The following SPDYE14 variants were observed in gnomAD, a reference collection of about 807,000 sequenced individuals.
SPDYE14 encodes speedy protein E14.
upstream of SPDYE14, among the ~76,000 whole-genome samples, chr7:75,306,826 C>T (rs1435759160): frequency 6.6e-5 from 1 of 15,208 alleles, no homozygotes; most frequent in East Asian, 2.1e-3. Flanking sequence ...AGTGTAGTGT[C>T]GTGATCTCGG....
At chr7:75,237,688 G>C in the SPDYE14 span, 3 of 104,900 alleles carry the variant, frequency 2.9e-5, no homozygotes, top group East Asian at 5.3e-4. Context: ...GGAGCAGCTG[G>C]TGTTCGCTGT....
the SPDYE14 span, among the ~76,000 whole-genome samples, chr7:75,260,111 ATTT>A: frequency 3.7e-5 from 2 of 54,558 alleles, no homozygotes; most frequent in African/African-American, 7.8e-5. Flanking sequence ...CCTCAGATCT[ATTT>A]TTTTTTTTTT....
the SPDYE14 span, among the ~76,000 whole-genome samples, chr7:75,247,635 T>TGGAGTG: frequency 4.4e-5 from 1 of 22,906 alleles, no homozygotes; most frequent in Non-Finnish European, 1.3e-4. Flanking sequence ...TCACCCAGGC[T>TGGAGTG]GGAGTGCCGT....
At chr7:75,267,755 TA>T in the SPDYE14 span, among the ~76,000 whole-genome samples, 486 of 130,022 alleles carry the variant, frequency 3.7e-3, 1 homozygote, top group Middle Eastern at 7.7e-3. Flanking sequence ...TTTATTTATT[TA>T]GACAGAGTCT....
chr7:75,241,696 T>TATA, the SPDYE14 span, among the ~76,000 whole-genome samples: 18 of 12,306 alleles, frequency 1.5e-3, no homozygotes, highest in Admixed American at 5.0e-3. Context: ...TATATATATA[T>TATA]TTTTTTTTTT....
the SPDYE14 span, among the ~76,000 whole-genome samples, chr7:75,273,781 T>A: frequency 1.8e-5 from 1 of 55,910 alleles, no homozygotes; most frequent in Non-Finnish European, 4.6e-5. Context: ...GAGTTTGACA[T>A]ATGAATTTTG....
the SPDYE14 span, among the ~76,000 whole-genome samples, chr7:75,265,161 G>A: frequency 0.016 from 654 of 40,706 alleles, 17 homozygotes; most frequent in East Asian, 0.03. Flanking sequence ...GAGCAGTGGC[G>A]TGATCTTGGC....
At chr7:75,265,744 CA>C in the SPDYE14 span, among the ~76,000 whole-genome samples, 2 of 1,196 alleles carry the variant, frequency 1.7e-3, no homozygotes, top group African/African-American at 3.5e-3. Flanking sequence ...ACTCCATCTC[CA>C]AAAAAAAAAA....
chr7:75,261,107 G>A, the SPDYE14 span, among the ~76,000 whole-genome samples: 2 of 93,110 alleles, frequency 2.1e-5, no homozygotes, highest in Non-Finnish European at 5.2e-5. Flanking sequence ...CCTGGGTGAC[G>A]AGTGAGATTC....
chr7:75,244,841 C>T, the SPDYE14 span, among the ~76,000 whole-genome samples: 1 of 108,390 alleles, frequency 9.2e-6, no homozygotes. Flanking sequence ...TGCCTGTAAT[C>T]CCAGCACTTC....
At chr7:75,246,626 A>T in the SPDYE14 span, among the ~76,000 whole-genome samples, 2 of 12,858 alleles carry the variant, frequency 1.6e-4, no homozygotes, top group African/African-American at 2.7e-4. Flanking sequence ...TGGGCGACAG[A>T]GTGAGACTCT....
the SPDYE14 span, among the ~76,000 whole-genome samples, chr7:75,247,382 T>G: frequency 6.6e-4 from 15 of 22,832 alleles, no homozygotes; most frequent in African/African-American, 8.7e-4. Flanking sequence ...AAGAAAGAAA[T>G]GAAAGGCCAA....
the SPDYE14 span, among the ~76,000 whole-genome samples, chr7:75,240,203 G>A: frequency 2.1e-4 from 4 of 19,088 alleles, 1 homozygote; most frequent in African/African-American, 3.8e-4. Context: ...TCCAGCCTGG[G>A]TGATAGAGTG....
chr7:75,257,187 G>A, the SPDYE14 span, among the ~76,000 whole-genome samples: 1 of 68,268 alleles, frequency 1.5e-5, no homozygotes, highest in African/African-American at 5.3e-5. Context: ...AAAAAGAAAA[G>A]AAAGAAAAGA....
chr7:75,237,695 C>T, the SPDYE14 span: 3 of 107,096 alleles, frequency 2.8e-5, no homozygotes, highest in Admixed American at 1.0e-4. Context: ...CTGGTGTTCG[C>T]TGTAACAAAC....
chr7:75,257,178 A>G, the SPDYE14 span, among the ~76,000 whole-genome samples: 2 of 56,594 alleles, frequency 3.5e-5, 1 homozygote, highest in Non-Finnish European at 7.3e-5. Context: ...AAAAAAAAAA[A>G]AAAGAAAAGA....
chr7:75,279,695 G>A, the SPDYE14 span, among the ~76,000 whole-genome samples: 1 of 53,130 alleles, frequency 1.9e-5, no homozygotes, highest in African/African-American at 4.9e-5. Flanking sequence ...ACCCTCCTTG[G>A]CCTCCCAAAG....
chr7:75,247,485 G>C, the SPDYE14 span, among the ~76,000 whole-genome samples: 1 of 114,876 alleles, frequency 8.7e-6, no homozygotes, highest in Admixed American at 9.3e-5. Flanking sequence ...AGAAAGAAAA[G>C]AAAGAAAGAA....
At chr7:75,262,198 T>TC in the SPDYE14 span, among the ~76,000 whole-genome samples, 1 of 34,438 alleles carries the variant, frequency 2.9e-5, no homozygotes, top group Non-Finnish European at 8.5e-5. Context: ...AGAGTGAGAC[T>TC]CCATCTCAAA....
Sources: gnomAD v4.1 joint callset for allele counts (sites outside exome capture counted in the v4.1 genomes callset) on GRCh38, gnomAD v4.1.1 for gene constraint, MANE v1.5 for transcripts, NCBI Gene and HGNC (gene_info 2026-07-23, HGNC 2026-07-21) for gene names.